CALU: variants seen among roughly 807,000 people sequenced by gnomAD.
CALU encodes the protein calumenin.
CALU carries 13 observed loss-of-function variants against 37.5 expected under a neutral mutation model. The observed-to-expected ratio is 0.35, with a 90% CI of 0.23 to 0.55. The LOEUF (loss-of-function observed/expected upper bound fraction) is 0.55. CALU is among the 20% of genes least tolerant of loss of function. CALU has a pLI of 0.89. For synonymous variants in CALU, 114 were observed against 133.8 expected (o/e 0.85, Z 1.02); for missense variants, 282 against 391.7 (o/e 0.72, Z 2.36).
At position 128,772,503 on chromosome 7, in the gene CALU, T is replaced by C; in HGVS notation, c.*3336T>C. Reference sequence around the variant, plus strand: ...TAGAAACTTACTTAAAAGTAAAATTTAATTCTAGCTGTTGCAAACAGGCCA... The same window carrying C: ...TAGAAACTTACTTAAAAGTAAAATTCAATTCTAGCTGTTGCAAACAGGCCA... On this transcript the variant is annotated 3_prime_UTR_variant, in exon 7 of 7. Coordinates refer to ENST00000249364, the MANE Select transcript of CALU (RefSeq NM_001219.5). The C allele has an allele frequency of 6.2e-7, 1 of 1,613,686 alleles. No homozygotes were observed. Among genetic ancestry groups the C allele is most frequent in the Non-Finnish European group, 8.5e-7 (1 of 1,179,604 alleles).
Position 128,769,565 on chromosome 7 carries a change from C to A in CALU, c.*398C>A. The A allele has an allele frequency of 6.5e-6, 1 of 153,988 alleles. No individual in the cohort carries two copies. The highest frequency in any genetic ancestry group is 1.5e-5 in the Non-Finnish European group (1 of 68,932). 9.5% of individuals were successfully genotyped at this position (153,988 alleles called of 1,614,324 possible). ...ATTCTCACTTAACTAATTTTGTAAG[C>A]CTGAGATCAATAAGAAATGTTCAGG... On this transcript the variant is annotated 3_prime_UTR_variant, in exon 7 of 7. Coordinates refer to ENST00000249364, the MANE Select transcript of CALU (RefSeq NM_001219.5).
At chr7:128,762,494 A>T (rs1801159436) in intron 5 of CALU, among the ~76,000 whole-genome samples, 2 of 150,880 alleles carry the variant, frequency 1.3e-5, no homozygotes, top group African/African-American at 2.4e-5. Flanking sequence ...GTTGAAGGAG[A>T]TCATGAAGAA....
intron 6 of CALU, 71 bp downstream of exon 6, chr7:128,767,726 T>A: frequency 3.2e-6 from 4 of 1,252,084 alleles, no homozygotes; most frequent in Non-Finnish European, 4.6e-6. Flanking sequence ...CTGAACAGTT[T>A]CTGTTAAGGT....
At chr7:128,764,336 G>A (rs969389673) in intron 5 of CALU, among the ~76,000 whole-genome samples, 4 of 152,048 alleles carry the variant, frequency 2.6e-5, no homozygotes, top group Non-Finnish European at 5.9e-5. Context: ...CAACTCAGGA[G>A]GATCACTTGA....
intron 5 of CALU, among the ~76,000 whole-genome samples, chr7:128,760,053 T>C (rs569547385): frequency 3.6e-4 from 55 of 152,072 alleles, no homozygotes; most frequent in Admixed American, 8.5e-4. Context: ...AAAAAATTAG[T>C]TGGGTGTGGT....
Position 128,772,054 on chromosome 7 carries a change from GTTTTTTTTGTT to G in CALU, c.*2896_*2906del, listed in dbSNP as rs1286393955. ...TCAAACTCATATTTGGGGCCACTGAGTTTTTTTTGTTTTTTTTTTTGTTTTGTTTTGTTTTT... is the reference window on the plus strand; with the variant it reads ...TCAAACTCATATTTGGGGCCACTGAGTTTTTTTTTGTTTTGTTTTGTTTTT... On this transcript the variant is annotated 3_prime_UTR_variant, in exon 7 of 7. Coordinates refer to ENST00000249364, the MANE Select transcript of CALU (RefSeq NM_001219.5). 1.8e-4 allele frequency among the ~76,000 whole-genome samples: 20 copies of G among 110,332 alleles called. No homozygotes were observed. Among genetic ancestry groups the G allele is most frequent in the African/African-American group, 3.5e-4 (10 of 28,940 alleles). The allele number at this position is 110,332 out of a possible 152,430, so 72.4% of individuals were successfully genotyped here.
chr7:128,764,779 T>A (rs1447447274), intron 5 of CALU, among the ~76,000 whole-genome samples: 2 of 152,152 alleles, frequency 1.3e-5, no homozygotes, highest in African/African-American at 4.8e-5. Flanking sequence ...GACCATCACT[T>A]AATTGCCCTT....
At chr7:128,749,475 G>A (rs139537754) in intron 2 of CALU, among the ~76,000 whole-genome samples, 148 of 152,284 alleles carry the variant, frequency 9.7e-4, no homozygotes, top group Middle Eastern at 3.4e-3. Flanking sequence ...ATCTGAGAAT[G>A]TCTTTTTTGG....
intron 1 of CALU, among the ~76,000 whole-genome samples, chr7:128,745,422 A>G (rs1389001101): frequency 1.3e-5 from 2 of 150,082 alleles, no homozygotes; most frequent in Non-Finnish European, 3.0e-5. Context: ...TCTGGGCAAC[A>G]TAGTGAGACT....
Position 128,769,939 on chromosome 7 carries a change from A to C in CALU, c.*772A>C, listed in dbSNP as rs1801495570. 2 of 152,400 alleles carry C rather than the reference A, an allele frequency of 1.3e-5. No homozygotes were observed. Among genetic ancestry groups the C allele is most frequent in the South Asian group, 2.1e-4 (1 of 4,828 alleles). 9.4% of individuals were successfully genotyped at this position (152,400 alleles called of 1,614,324 possible). Reference sequence around the variant, plus strand: ...GAGCTATAGATAGAAACAGCTGGAAAACTAAAGGAAAAATACAAGTGTTTT... The same window carrying C: ...GAGCTATAGATAGAAACAGCTGGAACACTAAAGGAAAAATACAAGTGTTTT... On this transcript the variant is annotated 3_prime_UTR_variant, in exon 7 of 7. Transcript: ENST00000249364.
intron 5 of CALU, among the ~76,000 whole-genome samples, chr7:128,765,183 G>A (rs1045286948): frequency 1.1e-4 from 16 of 152,092 alleles, no homozygotes; most frequent in African/African-American, 1.7e-4. Flanking sequence ...CCAAAGTGCT[G>A]GGATTACAGA....
intron 2 of CALU, among the ~76,000 whole-genome samples, chr7:128,753,411 T>G (rs1203629140): frequency 6.6e-6 from 1 of 152,252 alleles, no homozygotes; most frequent in Non-Finnish European, 1.5e-5. Context: ...TTTCATATCA[T>G]GGACATATTT....
chr7:128,755,678 T>TTGTAA (rs1389773420), intron 3 of CALU, among the ~76,000 whole-genome samples: 1 of 152,254 alleles, frequency 6.6e-6, no homozygotes, highest in Non-Finnish European at 1.5e-5. Flanking sequence ...TTTCTTTTAC[T>TTGTAA]TGTAACACTT....
intron 1 of CALU, among the ~76,000 whole-genome samples, chr7:128,745,362 G>A (rs560404819): frequency 1.3e-5 from 2 of 152,114 alleles, no homozygotes; most frequent in South Asian, 4.1e-4. Context: ...GCTTACGACT[G>A]TAATCCCAGC....
chr7:128,766,884 T>C (rs990275975), intron 5 of CALU, among the ~76,000 whole-genome samples: 5 of 152,102 alleles, frequency 3.3e-5, no homozygotes, highest in Admixed American at 6.5e-5. Flanking sequence ...AGGGGGGAGA[T>C]GGGAAAAAAG....
Position 128,772,461 on chromosome 7 carries a change from G to A in CALU, c.*3294G>A, listed in dbSNP as rs1801621145. 5.1e-6 allele frequency: 8 copies of A among 1,560,308 alleles called. No homozygotes were observed. In the East Asian group the frequency reaches 1.8e-4, roughly 35 times the overall value. ...TCTTTTTTGTGTTTTTAGTAGTTTG[G>A]TTTCTGACGGAGACAATAGAAACTT... is the stretch of plus-strand genomic sequence containing the variant. On this transcript the variant is annotated 3_prime_UTR_variant, in exon 7 of 7. Coordinates refer to ENST00000249364, the MANE Select transcript of CALU (RefSeq NM_001219.5).
At chr7:128,741,114 A>G (rs1485976916) in intron 1 of CALU, among the ~76,000 whole-genome samples, 1 of 152,222 alleles carries the variant, frequency 6.6e-6, no homozygotes, top group Non-Finnish European at 1.5e-5. Context: ...AAGGATAGCC[A>G]CTGGAAATGC....
At chr7:128,760,196 C>CA (rs1277899278) in intron 5 of CALU, among the ~76,000 whole-genome samples, 1 of 151,652 alleles carries the variant, frequency 6.6e-6, no homozygotes, top group African/African-American at 2.4e-5. Context: ...GAAACTGTCT[C>CA]AAAAAAAGAA....
intron 1 of CALU, among the ~76,000 whole-genome samples, chr7:128,740,051 T>C (rs1354249989): frequency 6.6e-6 from 1 of 152,216 alleles, no homozygotes; most frequent in East Asian, 1.9e-4. Context: ...CGACGGAAAA[T>C]AGTTTTTAAA....
Sources: allele counts gnomAD v4.1 joint callset (sites outside exome capture counted in the v4.1 genomes callset), GRCh38; gene constraint gnomAD v4.1.1; transcripts MANE v1.5; gene names NCBI Gene and HGNC (gene_info 2026-07-23, HGNC 2026-07-21).